DDIAS: variants seen among roughly 807,000 people sequenced by gnomAD.
The protein encoded by DDIAS is DNA damage induced apoptosis suppressor, also known as DNA damage-induced apoptosis suppressor protein.
Under a neutral mutation model 15.7 loss-of-function variants are expected in DDIAS, and 14 were observed. The observed-to-expected ratio is 0.89, with a 90% CI of 0.59 to 1.39. The LOEUF (loss-of-function observed/expected upper bound fraction) is 1.39. DDIAS is among the 40% of genes most tolerant of loss of function. The pLI is 0.00. For missense variants in DDIAS, 1,035 were observed against 1,130.9 expected (o/e 0.92, Z 1.22); for synonymous variants, 355 against 395.9 (o/e 0.90, Z 1.23).
At position 82,925,764 on chromosome 11, in the gene DDIAS, G is replaced by A. The variant is rs552130128; in HGVS notation, c.114-3013G>A. ...AGCACTTTGGGAGGCCGAGGTGGGC[G>A]GATCATGAGGTCAGGAGATCGAGAC... is the stretch of plus-strand genomic sequence containing the variant. On this transcript the variant is annotated intron_variant, in intron 3 of 5. Transcript: ENST00000533655. Among the ~76,000 whole-genome samples, 179 of 152,160 alleles carry A rather than the reference G, an allele frequency of 1.2e-3. 2 individuals are homozygous for A. Among genetic ancestry groups the A allele is most frequent in the African/African-American group, 3.1e-3 (128 of 41,528 alleles).
chr11:82,914,225 A>G (rs1435206602), intron 2 of DDIAS: 2 of 229,370 alleles, frequency 8.7e-6, no homozygotes, highest in Non-Finnish European at 1.8e-5. Context: ...ATGAGCCACC[A>G]CGCCCGGCCA....
chr11:82,907,908 T>C (rs1173056956), intron 1 of DDIAS, among the ~76,000 whole-genome samples: 3 of 152,134 alleles, frequency 2.0e-5, no homozygotes, highest in Admixed American at 1.3e-4. Flanking sequence ...GGGGTTACAG[T>C]AGAGAACAGG....
chr11:82,914,232 G>C (rs1035446863), intron 2 of DDIAS: 2 of 209,978 alleles, frequency 9.5e-6, no homozygotes, highest in Non-Finnish European at 9.7e-6. Context: ...ACCACGCCCG[G>C]CCACAATACT....
Position 82,934,208 on chromosome 11 carries a change from C to A in DDIAS, c.2870C>A (p.Pro957His), listed in dbSNP as rs775059266. The A allele has an allele frequency of 6.2e-7, 1 of 1,614,126 alleles. No individual in the cohort carries two copies. Among genetic ancestry groups the A allele is most frequent in the South Asian group, 1.1e-5 (1 of 91,040 alleles). ...KCPDIQVLAA[P>H]QLHPILGPDS... ...CCAGACATTCAAGTCTTAGCAGCAC[C>A]TCAGCTGCACCCTATTCTTGGACCT... The change falls in exon 6 of 6, where the codon CCT (proline) becomes CAT (histidine). Residue 957 changes from proline (P) to histidine (H), a missense_variant. Coordinates refer to ENST00000533655, the MANE Select transcript of DDIAS (RefSeq NM_145018.4).
In DDIAS at chr11:82,929,065, ACAAG is replaced by A. The variant is rs1860930282; in HGVS notation, c.275+132_275+135del. 7.8e-6 allele frequency: 8 copies of A among 1,028,660 alleles called. No individual in the cohort carries two copies. The South Asian group carries it at 1.2e-4, about 16-fold the overall frequency. The allele number at this position is 1,028,660 out of a possible 1,614,324, so 63.7% of individuals were successfully genotyped here. ...CCCAGATTGTCAATTCCTTTAAAAG[ACAAG>A]CAAGTAAGAAAGATGTTTATTTCCT... On this transcript the variant is annotated intron_variant, in intron 4 of 5. Transcript: ENST00000533655.
intron 3 of DDIAS, among the ~76,000 whole-genome samples, chr11:82,921,571 CTTTTTTTTTTTTT>C (rs968751055): frequency 1.3e-5 from 1 of 78,132 alleles, no homozygotes; most frequent in African/African-American, 5.5e-5. Flanking sequence ...TTCTTTCTTT[CTTTTTTTTTTTTT>C]TTTTTTTTTT....
chr11:82,932,771 C>T lies in DDIAS; in HGVS notation c.1433C>T (p.Ala478Val). The T allele has an allele frequency of 6.2e-7, 1 of 1,613,942 alleles. No individual in the cohort carries two copies. The highest frequency in any genetic ancestry group is 8.5e-7 in the Non-Finnish European group (1 of 1,180,002). ...TTGALHTPPI[A>V]LRSSQVIVKA... The stretch of plus-strand genomic sequence containing the variant: ...GGAGCCCTGCATACACCACCTATAG[C>T]TTTAAGATCATCACAAGTAATAGTC... The change falls in exon 6 of 6, where the codon GCT becomes GTT. Residue 478 changes from alanine to valine, a missense_variant. Ala to Val is a moderately conservative substitution (Grantham distance 64). Transcript: ENST00000533655.
chr11:82,903,961 A>G (rs1389984469), intron 1 of DDIAS, among the ~76,000 whole-genome samples: 1 of 152,242 alleles, frequency 6.6e-6, no homozygotes, highest in African/African-American at 2.4e-5. Flanking sequence ...CTTTGGGCAC[A>G]GTCTTGAAGC....
At position 82,908,960 on chromosome 11, in the gene DDIAS, A is replaced by G. The variant is rs576143942; in HGVS notation, c.-116-4327A>G. 3.9e-5 allele frequency among the ~76,000 whole-genome samples: 6 copies of G among 152,272 alleles called. 1 individual carries two copies. In the South Asian group the frequency reaches 6.2e-4, roughly 16 times the overall value. On this transcript the variant is annotated intron_variant, in intron 1 of 5. Coordinates refer to ENST00000533655, the MANE Select transcript of DDIAS (RefSeq NM_145018.4). ...CTCAGCCCCTTGGGTCACTTACTCT[A>G]TTTTATGGAATAAAGTATTTCCCGA...
intron 2 of DDIAS, chr11:82,913,588 A>G (rs562312159): frequency 2.0e-5 from 7 of 352,738 alleles, no homozygotes; most frequent in African/African-American, 6.6e-5. Flanking sequence ...ACTTTGAGCT[A>G]TCATTTGACA....
Position 82,914,849 on chromosome 11 carries a change from A to G in DDIAS, c.111A>G (p.Lys37=), listed in dbSNP as rs1215814988. The part of the protein sequence containing the change: ...KCFSRIILVS[K]RSNCPKCGST... ...TCTCTAGGATAATCCTGGTCTCCAA[A>G]AGGTAAAAGTAAAGTCTGTAAGTGT... The change falls in exon 3 of 6, where the codon AAA becomes AAG. Residue 37 remains lysine, a splice_region_variant and synonymous_variant. Transcript: ENST00000533655. 6.4e-7 allele frequency: 1 copy of G among 1,554,662 alleles called. No individual in the cohort carries two copies. The highest frequency in any genetic ancestry group is 2.3e-5 in the East Asian group (1 of 44,312).
In DDIAS at chr11:82,933,641, T is replaced by G. The variant is rs187279843; in HGVS notation, c.2303T>G (p.Phe768Cys). The G allele has an allele frequency of 6.2e-7, 1 of 1,613,892 alleles. No individual in the cohort carries two copies. Among genetic ancestry groups the G allele is most frequent in the Non-Finnish European group, 8.5e-7 (1 of 1,179,936 alleles). ...TATAATTTTGAAAATAGTCAAGACT[T>G]TGTTCCATGTTCACAGTCAACTCCA... ...SEYNFENSQD[F>C]VPCSQSTPIS... Residue 768 changes from phenylalanine (F) to cysteine (C), a missense_variant, in exon 6 of 6, where the codon TTT (phenylalanine) becomes TGT (cysteine). Coordinates refer to ENST00000533655, the MANE Select transcript of DDIAS (RefSeq NM_145018.4).
chr11:82,934,586 A>C lies in DDIAS; in HGVS notation c.*251A>C, dbSNP rs1861081427. Reference sequence around the variant, plus strand: ...TTATTGTACTTTAATAATATTGTTAAGATTGTTTTTGAAAGTATTAATGTT... The same window carrying C: ...TTATTGTACTTTAATAATATTGTTACGATTGTTTTTGAAAGTATTAATGTT... On this transcript the variant is annotated 3_prime_UTR_variant, in exon 6 of 6. Transcript: ENST00000533655. 1 of 352,286 alleles carries C rather than the reference A, an allele frequency of 2.8e-6. No homozygotes were observed. The highest frequency in any genetic ancestry group is 2.1e-5 in the African/African-American group (1 of 47,644). 21.8% of individuals were successfully genotyped at this position (352,286 alleles called of 1,614,324 possible).
chr11:82,932,375 A>C lies in DDIAS; in HGVS notation c.1037A>C (p.Glu346Ala). The C allele has an allele frequency of 1.2e-6, 2 of 1,614,042 alleles. No individual in the cohort carries two copies. The highest frequency in any genetic ancestry group is 1.7e-6 in the Non-Finnish European group (2 of 1,179,906). The change falls in exon 6 of 6, where the codon GAG becomes GCG. Residue 346 changes from glutamate to alanine, a missense_variant. Physicochemically the swap from Glu to Ala is moderately radical, Grantham distance 107. Transcript: ENST00000533655. ...AATTTATTCTCTTTGGAAATGCGAG[A>C]GCCCCTTGAGTCAAGTAATACAAAA... is the stretch of plus-strand genomic sequence containing the variant. ...DSNLFSLEMREPLESSNTKSF... is the reference protein window; with the variant it reads ...DSNLFSLEMRAPLESSNTKSF...
At chr11:82,908,399 G>A (rs1008773463) in intron 1 of DDIAS, among the ~76,000 whole-genome samples, 1 of 152,210 alleles carries the variant, frequency 6.6e-6, no homozygotes, top group Admixed American at 6.5e-5. Context: ...GCAGGTAAGA[G>A]ACAGCATGTT....
At chr11:82,914,562 AAG>A (rs1252661580) in intron 2 of DDIAS, 159 bp from the exon 3 acceptor site, 10 of 495,706 alleles carry the variant, frequency 2.0e-5, no homozygotes, top group Middle Eastern at 3.1e-4. Context: ...TAAGGAGAAA[AAG>A]AATTAATTTT....
chr11:82,904,292 C>G (rs187423490), intron 1 of DDIAS, among the ~76,000 whole-genome samples: 11 of 152,242 alleles, frequency 7.2e-5, no homozygotes, highest in Non-Finnish European at 1.0e-4. Flanking sequence ...TTTAGATTTT[C>G]TAATCTAACC....
At position 82,932,144 on chromosome 11, in the gene DDIAS, C is replaced by T. The variant is rs1329491092; in HGVS notation, c.806C>T (p.Thr269Ile). ...TCAGAACAAAGTAAGGCCTTTGGTA[C>T]TCTTCAGCAGAACAGAAAGTCCATC... ...SASEQSKAFG[T>I]LQQNRKSISI... is the part of the protein sequence containing the mutation. The change falls in exon 6 of 6, where the codon ACT (threonine) becomes ATT (isoleucine). Residue 269 changes from threonine to isoleucine, a missense_variant. By Grantham distance (89) the Thr-to-Ile change is moderately conservative (BLOSUM62 -1). Transcript: ENST00000533655. 1 of 1,614,052 alleles carries T rather than the reference C, an allele frequency of 6.2e-7. No homozygotes were observed. Among genetic ancestry groups the T allele is most frequent in the African/African-American group, 1.3e-5 (1 of 74,924 alleles).
Position 82,927,863 on chromosome 11 carries a change from CCTT to C in DDIAS, c.114-909_114-907del, listed in dbSNP as rs1860894615. On this transcript the variant is annotated intron_variant, in intron 3 of 5. Transcript: ENST00000533655. ...AGACCCTTTATTTGTCTATTTTAATCCTTCTTCAGCCCTGGACTTCATAGATGA... is the reference window on the plus strand; with the variant it reads ...AGACCCTTTATTTGTCTATTTTAATCCTTCAGCCCTGGACTTCATAGATGA... 3.9e-5 allele frequency among the ~76,000 whole-genome samples: 6 copies of C among 152,254 alleles called. No individual in the cohort carries two copies. In the South Asian group the frequency reaches 1.0e-3, roughly 26 times the overall value.
Sources: allele counts gnomAD v4.1 joint callset (sites outside exome capture counted in the v4.1 genomes callset), GRCh38; gene constraint gnomAD v4.1.1; transcripts MANE v1.5; gene names NCBI Gene and HGNC (gene_info 2026-07-23, HGNC 2026-07-21).